Variants in AMPH observed in about 807,000 individuals in gnomAD.
The protein encoded by AMPH is amphiphysin (Stiff-Mann syndrome with breast cancer 128kD autoantigen).
A neutral mutation model predicts 99.1 loss-of-function variants in AMPH; 49 were observed. The observed-to-expected ratio is 0.49, with a 90% confidence interval of 0.39 to 0.63. The LOEUF (loss-of-function observed/expected upper bound fraction) is 0.63. Ranked by LOEUF, AMPH falls within the 20% of genes least tolerant of loss-of-function variation. AMPH has a pLI of 0.00. For missense variants in AMPH, 759 were observed against 863.4 expected, an observed-to-expected ratio of 0.88 and a Z score of 1.52; for synonymous variants, 314 against 317.3, an observed-to-expected ratio of 0.99 and a Z score of 0.11.
intron 1 of AMPH, among the ~76,000 whole-genome samples, chr7:38,609,711 T>C (rs948685870): frequency 6.6e-6 from 1 of 151,294 alleles, no homozygotes; most frequent in Admixed American, 6.6e-5. Flanking sequence ...ATAAGGTGTA[T>C]ATATACATTT....
intron 5 of AMPH, among the ~76,000 whole-genome samples, chr7:38,488,400 CA>C (rs1788592993): frequency 6.6e-6 from 1 of 152,070 alleles, no homozygotes; most frequent in Non-Finnish European, 1.5e-5. Flanking sequence ...TGGAAACCAA[CA>C]TTCTCAGCCA....
intron 1 of AMPH, among the ~76,000 whole-genome samples, chr7:38,612,374 C>A (rs868098095): frequency 6.6e-6 from 1 of 152,026 alleles, no homozygotes; most frequent in Non-Finnish European, 1.5e-5. Flanking sequence ...CCGCACCCGG[C>A]CTGTTTTTGT....
At chr7:38,580,650 G>A (rs1044179944) in intron 1 of AMPH, among the ~76,000 whole-genome samples, 5 of 148,184 alleles carry the variant, frequency 3.4e-5, no homozygotes, top group African/African-American at 1.3e-4. Flanking sequence ...AGAAGTCCAA[G>A]AGATATGGGA....
At chr7:38,610,331 GAA>G (rs61322939) in intron 1 of AMPH, among the ~76,000 whole-genome samples, 14,952 of 36,186 alleles carry the variant, frequency 0.41, 5,047 homozygotes, top group Non-Finnish European at 0.48. Context: ...GAAAAGAAAA[GAA>G]AAAAGAAAAG....
chr7:38,614,194 TG>T (rs1793788415), intron 1 of AMPH, among the ~76,000 whole-genome samples: 1 of 152,206 alleles, frequency 6.6e-6, no homozygotes, highest in African/African-American at 2.4e-5. Flanking sequence ...TTATCATATA[TG>T]GGTAGTTATA....
chr7:38,397,937 A>G (rs1468540175), intron 17 of AMPH, among the ~76,000 whole-genome samples: 1 of 152,170 alleles, frequency 6.6e-6, no homozygotes, highest in Non-Finnish European at 1.5e-5. Context: ...AGAGAAATGC[A>G]AATCGAAACT....
intron 2 of AMPH, among the ~76,000 whole-genome samples, chr7:38,512,102 G>T (rs1013759254): frequency 6.6e-6 from 1 of 152,170 alleles, no homozygotes; most frequent in Non-Finnish European, 1.5e-5. Flanking sequence ...AAGTGTGTAT[G>T]TAGCTCTAGT....
chr7:38,579,202 C>T (rs1314516574), intron 1 of AMPH, among the ~76,000 whole-genome samples: 1 of 152,162 alleles, frequency 6.6e-6, no homozygotes, highest in Admixed American at 6.5e-5. Context: ...TGCTGGTGTC[C>T]ATCACCGGTT....
At chr7:38,420,589 T>C (rs1171666987) in intron 16 of AMPH, among the ~76,000 whole-genome samples, 1 of 152,160 alleles carries the variant, frequency 6.6e-6, no homozygotes, top group African/African-American at 2.4e-5. Flanking sequence ...TCCTTTAGAA[T>C]AAAATGAGGA....
In AMPH at chr7:38,514,830, G is replaced by A. The variant is rs147369325; in HGVS notation, c.151-11126C>T. Among the ~76,000 whole-genome samples, 31 of 152,290 alleles carry A rather than the reference G, an allele frequency of 2.0e-4. No homozygotes were observed. In the East Asian group the frequency reaches 3.7e-3, roughly 18 times the overall value. On this transcript the variant is annotated intron_variant, in intron 2 of 20. Coordinates refer to ENST00000356264, the MANE Select transcript of AMPH (RefSeq NM_001635.4). ...GTATTCTATTGTAGCAGCAGACTGA[G>A]ACGGAAAATTTATACCAGAAAGTGG...
intron 1 of AMPH, among the ~76,000 whole-genome samples, chr7:38,544,506 CTAATA>C (rs1447917004): frequency 7.2e-5 from 11 of 152,302 alleles, no homozygotes; most frequent in African/African-American, 2.6e-4. Flanking sequence ...GGAATTGTGG[CTAATA>C]TAATACGGCT....
intron 7 of AMPH, among the ~76,000 whole-genome samples, chr7:38,470,948 A>T (rs1787859949): frequency 6.6e-6 from 1 of 152,124 alleles, no homozygotes; most frequent in African/African-American, 2.4e-5. Context: ...TCTGCATTGA[A>T]CTTATTGTCT....
intron 17 of AMPH, among the ~76,000 whole-genome samples, chr7:38,394,656 C>T (rs977889234): frequency 2.0e-5 from 3 of 152,174 alleles, no homozygotes; most frequent in African/African-American, 4.8e-5. Flanking sequence ...CGGAGTCACA[C>T]GAAAACCACC....
intron 2 of AMPH, among the ~76,000 whole-genome samples, chr7:38,505,920 T>A (rs1410321643): frequency 1.3e-5 from 2 of 152,168 alleles, no homozygotes; most frequent in Non-Finnish European, 2.9e-5. Context: ...CCCTACCAGA[T>A]CTGTCATTGG....
chr7:38,621,219 T>C (rs968832089), intron 1 of AMPH, among the ~76,000 whole-genome samples: 9 of 152,222 alleles, frequency 5.9e-5, no homozygotes, highest in Non-Finnish European at 1.3e-4. Flanking sequence ...CCTCTGACTC[T>C]AGATTAGTTC....
At chr7:38,557,832 T>C (rs182299533) in intron 1 of AMPH, among the ~76,000 whole-genome samples, 1 of 151,996 alleles carries the variant, frequency 6.6e-6, no homozygotes, top group Non-Finnish European at 1.5e-5. Context: ...GGCAGGTGGA[T>C]TGCCTGAGCC....
chr7:38,404,233 C>T (rs1022661212), intron 17 of AMPH, among the ~76,000 whole-genome samples: 2 of 151,942 alleles, frequency 1.3e-5, no homozygotes, highest in East Asian at 3.9e-4. Flanking sequence ...TCCCCAAGAG[C>T]TCAGCACATC....
intron 1 of AMPH, among the ~76,000 whole-genome samples, chr7:38,547,848 T>A (rs1257490458): frequency 6.6e-6 from 1 of 152,188 alleles, no homozygotes; most frequent in East Asian, 1.9e-4. Context: ...TTTGAGTTTC[T>A]GATTAGACTT....
rs185338881 is a variant in AMPH, at chr7:38,586,361, C to T, written c.69+44922G>A. 3.9e-5 allele frequency among the ~76,000 whole-genome samples: 6 copies of T among 152,302 alleles called. No individual in the cohort carries two copies. In the East Asian group the frequency reaches 9.6e-4, roughly 24 times the overall value. ...CAAAACAAGCCTTCTGTCAGAACTA[C>T]AGTGGTGTCTCAAATTTTGTATTTT... On this transcript the variant is annotated intron_variant, in intron 1 of 20. Coordinates refer to ENST00000356264, the MANE Select transcript of AMPH (RefSeq NM_001635.4).
Sources: gnomAD v4.1 joint callset for allele counts (sites outside exome capture counted in the v4.1 genomes callset) on GRCh38, gnomAD v4.1.1 for gene constraint, MANE v1.5 for transcripts, NCBI Gene and HGNC (gene_info 2026-07-23, HGNC 2026-07-21) for gene names.